JMY: variants seen among roughly 807,000 people sequenced by gnomAD.
The protein encoded by JMY is junction mediating and regulatory protein, p53 cofactor.
Under a neutral mutation model 103.3 loss-of-function variants are expected in JMY, and 46 were observed. The ratio of observed to expected loss-of-function variants is 0.45; its 90% confidence interval spans 0.35 to 0.57. The LOEUF is 0.57. JMY is among the 20% of genes least tolerant of loss of function. The probability of loss-of-function intolerance (pLI) is 0.00; values close to 1 mark genes in which losing one functional copy is unlikely to be tolerated. For missense variants in JMY, 1,238 were observed against 1,255.2 expected, an observed-to-expected ratio of 0.99 and a Z score of 0.21; for synonymous variants, 526 against 489.3, an observed-to-expected ratio of 1.07 and a Z score of -0.99.
chr5:79,302,698 T>C (rs1746773934), intron 6 of JMY, among the ~76,000 whole-genome samples: 1 of 152,166 alleles, frequency 6.6e-6, no homozygotes, highest in Admixed American at 6.5e-5. Flanking sequence ...AAGCCTGAGC[T>C]TTGTCTGTAG....
At chr5:79,306,571 A>T in intron 7 of JMY, 110 bp downstream of exon 7, 1 of 766,944 alleles carries the variant, frequency 1.3e-6, no homozygotes, top group Non-Finnish European at 2.2e-6. Flanking sequence ...TGTTAACATT[A>T]GTTCAGTTTA....
At chr5:79,259,962 A>T (rs1437070502) in intron 1 of JMY, among the ~76,000 whole-genome samples, 1 of 152,142 alleles carries the variant, frequency 6.6e-6, no homozygotes, top group African/African-American at 2.4e-5. Context: ...GCATATGCAC[A>T]TCCTGGGCCC....
intron 9 of JMY, among the ~76,000 whole-genome samples, chr5:79,315,751 T>A (rs1747197776): frequency 6.6e-6 from 1 of 152,164 alleles, no homozygotes; most frequent in East Asian, 1.9e-4. Context: ...TCTGGTCACT[T>A]CTCTCATGTA....
At chr5:79,288,721 T>G (rs7726126) in intron 2 of JMY, among the ~76,000 whole-genome samples, 4,688 of 151,954 alleles carry the variant, frequency 0.031, 192 homozygotes, top group African/African-American at 0.084. Flanking sequence ...GTTTTGTTTT[T>G]TTTTGTTTGT....
chr5:79,236,989 C>T lies in JMY; in HGVS notation c.339C>T (p.Gly113=). ...GGCGGAGCTCGGCCTGGGCGGAGGG[C>T]GGCTCTCCTCGGAGCACTCGCAGCC... ...GPRRSSAWAE[G]GSPRSTRSLL... Residue 113 remains glycine (G), a synonymous_variant, in exon 1 of 11, where the codon GGC becomes GGT. Coordinates refer to ENST00000396137, the MANE Select transcript of JMY (RefSeq NM_152405.5). The T allele has an allele frequency of 1.4e-6, 2 of 1,461,724 alleles. No individual in the cohort carries two copies. The highest frequency in any genetic ancestry group is 9.0e-7 in the Non-Finnish European group (1 of 1,109,274). The allele number at this position is 1,461,724 out of a possible 1,614,324, so 90.5% of individuals were successfully genotyped here.
At position 79,319,725 on chromosome 5, in the gene JMY, C is replaced by A. The variant is rs184298660; in HGVS notation, c.*4-1881C>A. 6.7e-3 allele frequency among the ~76,000 whole-genome samples: 1,025 copies of A among 151,962 alleles called. 7 individuals carry two copies. Among genetic ancestry groups the A allele is most frequent in the Non-Finnish European group, 8.6e-3 (586 of 67,974 alleles). ...CCTCCGGAGTAGCTGGGATTATAGG[C>A]GTGTGTTACCACTCCCAGCTAATTT... On this transcript the variant is annotated intron_variant, in intron 10 of 10. Transcript: ENST00000396137.
intron 9 of JMY, among the ~76,000 whole-genome samples, 184 bp downstream of exon 9, chr5:79,315,035 C>G (rs945324029): frequency 6.6e-6 from 1 of 152,246 alleles, no homozygotes. Context: ...TGTATGCCTT[C>G]TTGGGCTGTT....
At chr5:79,314,231 A>G (rs1473548907) in intron 8 of JMY, 26 bp from the exon 9 acceptor site, 1 of 1,572,870 alleles carries the variant, frequency 6.4e-7, no homozygotes, top group South Asian at 1.2e-5. Context: ...ACATTTAACC[A>G]GTTCCAATAA....
At chr5:79,267,439 T>C (rs1745616801) in intron 1 of JMY, among the ~76,000 whole-genome samples, 1 of 151,810 alleles carries the variant, frequency 6.6e-6, no homozygotes, top group South Asian at 2.1e-4. Context: ...CTTTTTACTC[T>C]CTGTAGTTTG....
chr5:79,240,678 T>C (rs1249651462), intron 1 of JMY, among the ~76,000 whole-genome samples: 2 of 152,212 alleles, frequency 1.3e-5, no homozygotes, highest in Non-Finnish European at 2.9e-5. Context: ...TCTTGACTTC[T>C]GCTGGAAGAT....
chr5:79,271,302 G>A (rs774457633), intron 1 of JMY, among the ~76,000 whole-genome samples: 1 of 151,980 alleles, frequency 6.6e-6, no homozygotes, highest in Non-Finnish European at 1.5e-5. Context: ...AAAGTGCTGG[G>A]GTTACAGGTG....
At chr5:79,303,998 TAA>T (rs1244481510) in intron 6 of JMY, among the ~76,000 whole-genome samples, 1 of 152,140 alleles carries the variant, frequency 6.6e-6, no homozygotes, top group Non-Finnish European at 1.5e-5. Context: ...CTAGCAGTAT[TAA>T]GAGCTTCAGG....
chr5:79,311,789 G>A (rs961381920), intron 7 of JMY, among the ~76,000 whole-genome samples: 10 of 152,046 alleles, frequency 6.6e-5, no homozygotes, highest in African/African-American at 2.4e-4. Context: ...CTAACTGCTG[G>A]TTATATTGGT....
At chr5:79,246,661 T>C (rs1397636068) in intron 1 of JMY, among the ~76,000 whole-genome samples, 1 of 152,086 alleles carries the variant, frequency 6.6e-6, no homozygotes, top group African/African-American at 2.4e-5. Flanking sequence ...GGCAGGCGGA[T>C]CATGAGGTCA....
chr5:79,260,055 C>T (rs1276178542), intron 1 of JMY, among the ~76,000 whole-genome samples: 1 of 152,214 alleles, frequency 6.6e-6, no homozygotes, highest in African/African-American at 2.4e-5. Flanking sequence ...TCAGCCTGGC[C>T]CCATTGCAGT....
chr5:79,252,291 T>A (rs1474918595), intron 1 of JMY, among the ~76,000 whole-genome samples: 1 of 152,106 alleles, frequency 6.6e-6, no homozygotes, highest in East Asian at 1.9e-4. Flanking sequence ...TTGTTAGTGA[T>A]TTCTAGTTTA....
chr5:79,284,460 A>G, intron 2 of JMY: 3 of 1,580,326 alleles, frequency 1.9e-6, no homozygotes, highest in Admixed American at 1.7e-5. Context: ...TGCTGGGCAT[A>G]AGAGGTCTTC....
intron 1 of JMY, among the ~76,000 whole-genome samples, chr5:79,249,758 TC>T (rs1441068577): frequency 6.6e-6 from 1 of 152,204 alleles, no homozygotes; most frequent in African/African-American, 2.4e-5. Context: ...TTAAATTTCA[TC>T]GTATTTTCAG....
chr5:79,289,631 A>G (rs1188665707), intron 2 of JMY, among the ~76,000 whole-genome samples: 1 of 152,136 alleles, frequency 6.6e-6, no homozygotes, highest in Non-Finnish European at 1.5e-5. Context: ...TATCTGAGCC[A>G]CCGTGCCTGG....
Sources: allele counts gnomAD v4.1 joint callset (sites outside exome capture counted in the v4.1 genomes callset), GRCh38; gene constraint gnomAD v4.1.1; transcripts MANE v1.5; gene names NCBI Gene and HGNC (gene_info 2026-07-23, HGNC 2026-07-21).